Variants in ITFG1 observed in about 807,000 individuals in gnomAD.
ITFG1 encodes T-cell immunomodulatory protein.
A neutral mutation model predicts 81.8 loss-of-function variants in ITFG1; 34 were observed. The observed-to-expected ratio is 0.42, with a 90% CI of 0.32 to 0.55. ITFG1 has a LOEUF of 0.55. ITFG1 is among the 20% of genes least tolerant of loss of function. The pLI, the probability that ITFG1 is intolerant of heterozygous loss-of-function variation, is 0.17. For synonymous variants in ITFG1, 285 were observed against 270.6 expected (o/e 1.05, Z -0.52); for missense variants, 672 against 755.4 (o/e 0.89, Z 1.29).
intron 2 of ITFG1, among the ~76,000 whole-genome samples, chr16:47,458,506 T>C (rs1969481002): frequency 6.6e-6 from 1 of 152,208 alleles, no homozygotes; most frequent in South Asian, 2.1e-4. Flanking sequence ...TTGCTTCAAA[T>C]GAATGTAGTT....
At chr16:47,330,796 G>A (rs144448918) in intron 8 of ITFG1, among the ~76,000 whole-genome samples, 111 of 152,140 alleles carry the variant, frequency 7.3e-4, no homozygotes, top group African/African-American at 2.3e-3. Context: ...CAGTCAGAAT[G>A]GCTATTAAGA....
chr16:47,315,866 T>C (rs959954361), intron 8 of ITFG1, among the ~76,000 whole-genome samples: 2 of 151,852 alleles, frequency 1.3e-5, no homozygotes, highest in Admixed American at 1.3e-4. Flanking sequence ...TCTCAGCTCA[T>C]TGCAACCTCC....
chr16:47,230,826 G>T (rs937206181), intron 13 of ITFG1, among the ~76,000 whole-genome samples: 6 of 152,308 alleles, frequency 3.9e-5, no homozygotes, highest in African/African-American at 1.4e-4. Context: ...TCGGCTCACT[G>T]TAAGCTCCGC....
chr16:47,441,935 C>T (rs372417455), intron 5 of ITFG1, among the ~76,000 whole-genome samples: 3 of 152,078 alleles, frequency 2.0e-5, no homozygotes, highest in East Asian at 1.9e-4. Flanking sequence ...AAAACCCCAT[C>T]GTCTCAGCAC....
chr16:47,304,863 A>C (rs1967133102), intron 10 of ITFG1, among the ~76,000 whole-genome samples: 1 of 152,178 alleles, frequency 6.6e-6, no homozygotes, highest in South Asian at 2.1e-4. Context: ...TGTGGCCACT[A>C]TTCTTGTAAA....
chr16:47,209,061 T>C lies in ITFG1; in HGVS notation c.1453+9807A>G, dbSNP rs115908511. Reference sequence around the variant, plus strand: ...GATTGAAAAAATTGAGAATTAAAAATTGAGCCATGAGAAAAGTATTAAAAA... The same window carrying C: ...GATTGAAAAAATTGAGAATTAAAAACTGAGCCATGAGAAAAGTATTAAAAA... On this transcript the variant is annotated intron_variant, in intron 14 of 17. Coordinates refer to ENST00000320640, the MANE Select transcript of ITFG1 (RefSeq NM_030790.5). Among the ~76,000 whole-genome samples the C allele has an allele frequency of 7.1e-3, 1,084 of 152,280 alleles. 15 individuals are homozygous for C. Among genetic ancestry groups the C allele is most frequent in the African/African-American group, 0.025 (1,038 of 41,564 alleles).
Position 47,313,792 on chromosome 16 carries a change from TG to T in ITFG1, c.833del (p.Pro278GlnfsTer15). 6.2e-7 allele frequency: 1 copy of T among 1,608,112 alleles called. No individual in the cohort carries two copies. The highest frequency in any genetic ancestry group is 8.5e-7 in the Non-Finnish European group (1 of 1,176,548). The part of the protein sequence containing the change: ...DGDGHMDHLL[P>X]GCEDKNCQKS... ...TTTGGCAATTTTTATCTTCACAGCC[TG>T]GCAGTAAATGATCCATGTGTCCATC... On this transcript the variant is annotated frameshift_variant, in exon 9 of 18. Coordinates refer to ENST00000320640, the MANE Select transcript of ITFG1 (RefSeq NM_030790.5). LOFTEE classifies it high-confidence loss of function.
intron 8 of ITFG1, among the ~76,000 whole-genome samples, chr16:47,333,764 T>C (rs1438478266): frequency 1.3e-5 from 2 of 152,164 alleles, no homozygotes. Flanking sequence ...ATAAGACCCG[T>C]TTCGTGCTTT....
At chr16:47,255,941 G>A (rs1596839631) in intron 12 of ITFG1, among the ~76,000 whole-genome samples, 4 of 151,968 alleles carry the variant, frequency 2.6e-5, no homozygotes, top group Admixed American at 6.6e-5. Flanking sequence ...GATGATGCTC[G>A]TGAGCAAAGG....
intron 8 of ITFG1, among the ~76,000 whole-genome samples, chr16:47,340,724 T>G (rs190101275): frequency 2.0e-5 from 3 of 152,136 alleles, no homozygotes; most frequent in African/African-American, 4.8e-5. Context: ...AAAAGGAGAT[T>G]GGCAGAATGA....
intron 8 of ITFG1, among the ~76,000 whole-genome samples, chr16:47,322,597 G>A (rs1269049489): frequency 6.6e-6 from 1 of 152,156 alleles, no homozygotes; most frequent in Admixed American, 6.5e-5. Flanking sequence ...GGCTGAGGCA[G>A]GAGAATTGCT....
chr16:47,347,861 T>A (rs1332672963), intron 8 of ITFG1, among the ~76,000 whole-genome samples: 1 of 152,122 alleles, frequency 6.6e-6, no homozygotes, highest in African/African-American at 2.4e-5. Context: ...AGAGGAACGA[T>A]CAGACAGCAA....
intron 8 of ITFG1, among the ~76,000 whole-genome samples, chr16:47,324,327 C>A (rs1431776643): frequency 1.3e-5 from 2 of 151,864 alleles, no homozygotes; most frequent in Non-Finnish European, 2.9e-5. Context: ...AAAAGAGCTC[C>A]TGAAGGAAGC....
At chr16:47,430,909 G>A (rs886864933) in intron 5 of ITFG1, among the ~76,000 whole-genome samples, 2 of 152,306 alleles carry the variant, frequency 1.3e-5, no homozygotes, top group Middle Eastern at 3.4e-3. Context: ...TAGCCCACAA[G>A]TGGAAATAAC....
At chr16:47,330,991 T>C (rs1967629476) in intron 8 of ITFG1, among the ~76,000 whole-genome samples, 1 of 152,016 alleles carries the variant, frequency 6.6e-6, no homozygotes, top group South Asian at 2.1e-4. Flanking sequence ...CAAAGGAAAA[T>C]AAATTGTTCT....
At chr16:47,216,811 G>A (rs1028098825) in intron 14 of ITFG1, among the ~76,000 whole-genome samples, 45 of 151,580 alleles carry the variant, frequency 3.0e-4, no homozygotes, top group African/African-American at 6.1e-4. Context: ...ACAGGCGACC[G>A]CCACCACGTG....
intron 14 of ITFG1, among the ~76,000 whole-genome samples, chr16:47,215,379 A>G (rs1965613131): frequency 6.6e-6 from 1 of 152,252 alleles, no homozygotes; most frequent in Admixed American, 6.5e-5. Flanking sequence ...CTTGCTTAGA[A>G]TACATTTTAT....
intron 16 of ITFG1, among the ~76,000 whole-genome samples, chr16:47,160,492 C>T (rs551174132): frequency 2.0e-5 from 3 of 152,042 alleles, no homozygotes; most frequent in African/African-American, 7.2e-5. Context: ...AAGTACCGTA[C>T]TTTATATAGT....
chr16:47,196,314 A>G (rs1191404430), intron 14 of ITFG1: 1 of 149,264 alleles, frequency 6.7e-6, no homozygotes, highest in Non-Finnish European at 1.5e-5. Flanking sequence ...TACTTCACCT[A>G]TTTCTTTTGC....
Sources: gnomAD v4.1 joint callset for allele counts (sites outside exome capture counted in the v4.1 genomes callset) on GRCh38, gnomAD v4.1.1 for gene constraint, MANE v1.5 for transcripts, NCBI Gene and HGNC (gene_info 2026-07-23, HGNC 2026-07-21) for gene names.